Variants in HABP2 observed in about 807,000 individuals in gnomAD.
HABP2 encodes hyaluronan binding protein 2, also known as factor VII-activating protease.
In HABP2, 65 loss-of-function variants were observed where a neutral mutation model predicts 66.5. That is an observed-to-expected ratio of 0.98 (90% CI 0.80 to 1.20). The LOEUF (loss-of-function observed/expected upper bound fraction) is 1.20. Among genes scored for constraint, HABP2 ranks in the 50% most tolerant of loss-of-function variants. HABP2 has a pLI of 0.00. For missense variants in HABP2, 786 were observed against 691.0 expected (o/e 1.14, Z -1.54); for synonymous variants, 263 against 253.9 (o/e 1.04, Z -0.34).
intron 11 of HABP2, among the ~76,000 whole-genome samples, chr10:113,584,563 T>G (rs1349040400): frequency 6.6e-6 from 1 of 152,218 alleles, no homozygotes; most frequent in Non-Finnish European, 1.5e-5. Context: ...CTTGCTCCCT[T>G]CCTAGTTAGA....
At chr10:113,580,060 A>G (rs1383102095) in intron 7 of HABP2, among the ~76,000 whole-genome samples, 2 of 151,106 alleles carry the variant, frequency 1.3e-5, no homozygotes, top group African/African-American at 4.9e-5. Context: ...GATTACAGGC[A>G]TGAGCCACTG....
At position 113,583,199 on chromosome 10, in the gene HABP2, C is replaced by G; in HGVS notation, c.1095-17C>G. 5.0e-6 allele frequency: 8 copies of G among 1,612,722 alleles called. No homozygotes were observed. Among genetic ancestry groups the G allele is most frequent in the Non-Finnish European group, 6.8e-6 (8 of 1,179,340 alleles). ...GCAGAAACAGTGCCTTCCTGACCAT[C>G]TCATTTTCCCTTGCAGCATAAAAAC... On this transcript the variant is annotated splice_polypyrimidine_tract_variant and intron_variant, in intron 9 of 12. Transcript: ENST00000351270.
upstream of HABP2, among the ~76,000 whole-genome samples, chr10:113,551,211 T>G (rs958010755): frequency 6.6e-6 from 1 of 152,222 alleles, no homozygotes; most frequent in African/African-American, 2.4e-5. Flanking sequence ...AAGGATTCAA[T>G]GGTGATTGAA....
chr10:113,567,261 GAGA>G (rs1364310367), intron 1 of HABP2, among the ~76,000 whole-genome samples: 2 of 152,164 alleles, frequency 1.3e-5, no homozygotes, highest in African/African-American at 2.4e-5. Flanking sequence ...CCCTGCTGTG[GAGA>G]AGGACAATGC....
In HABP2 at chr10:113,578,784, A is replaced by T; in HGVS notation, c.726A>T (p.Glu242Asp). Residue 242 changes from glutamate (E) to aspartate (D), a missense_variant, in exon 7 of 13, where the codon GAA becomes GAT. Glu to Asp is a conservative substitution (Grantham distance 45). Transcript: ENST00000351270. ...ATGCTGAAACCCATGGGATTGGGGA[A>T]CACAATTTCTGCAGGTAACATTTAC... ...MEDAETHGIG[E>D]HNFCRNPDAD... 6.2e-7 allele frequency: 1 copy of T among 1,608,668 alleles called. No homozygotes were observed. Among genetic ancestry groups the T allele is most frequent in the Non-Finnish European group, 8.5e-7 (1 of 1,175,480 alleles).
chr10:113,588,528 A>C lies in HABP2; in HGVS notation c.*159A>C. 1 of 575,220 alleles carries C rather than the reference A, an allele frequency of 1.7e-6. No homozygotes were observed. Among genetic ancestry groups the C allele is most frequent in the South Asian group, 2.6e-5 (1 of 37,932 alleles). The allele number at this position is 575,220 out of a possible 1,614,324, so 35.6% of individuals were successfully genotyped here. A position where few individuals can be genotyped will look rare whatever the true frequency, so the allele number is the denominator to read the frequency against. ...ACTGCCACCCAGCCTGGGCCTTCCC[A>C]GACCAGCATTTGCACAATATCACCA... On this transcript the variant is annotated 3_prime_UTR_variant, in exon 13 of 13. Coordinates refer to ENST00000351270, the MANE Select transcript of HABP2 (RefSeq NM_004132.5).
In HABP2 at chr10:113,589,073, C is replaced by T; in HGVS notation, c.*704C>T. The stretch of plus-strand genomic sequence containing the variant: ...TGATCTCCAGCCTCCACTGCTTCTG[C>T]CCCCCGCTGCTGAAATCAAACATAC... On this transcript the variant is annotated 3_prime_UTR_variant, in exon 13 of 13. Coordinates refer to ENST00000351270, the MANE Select transcript of HABP2 (RefSeq NM_004132.5). The T allele has an allele frequency of 1.2e-6, 2 of 1,613,028 alleles. No individual in the cohort carries two copies. Among genetic ancestry groups the T allele is most frequent in the Non-Finnish European group, 1.7e-6 (2 of 1,179,354 alleles).
At chr10:113,559,796 C>T (rs1443529504) in intron 1 of HABP2, among the ~76,000 whole-genome samples, 1 of 152,250 alleles carries the variant, frequency 6.6e-6, no homozygotes, top group East Asian at 1.9e-4. Context: ...GCCACTGTCA[C>T]ACGAAGCTGC....
intron 1 of HABP2, among the ~76,000 whole-genome samples, chr10:113,554,512 TC>T (rs1021850848): frequency 6.6e-6 from 1 of 152,212 alleles, no homozygotes; most frequent in African/African-American, 2.4e-5. Flanking sequence ...GGTTTTCTTT[TC>T]AAATCATGAC....
Position 113,580,604 on chromosome 10 carries a change from T to C in HABP2, c.750T>C (p.Asp250=), listed in dbSNP as rs747603180. Residue 250 remains aspartate, a synonymous_variant, in exon 8 of 13, where the codon GAT becomes GAC. Coordinates refer to ENST00000351270, the MANE Select transcript of HABP2 (RefSeq NM_004132.5). The part of the protein sequence containing the change: ...IGEHNFCRNP[D]ADEKPWCFIK... ...TTGTTTTGTATTTTAGAAACCCAGA[T>C]GCGGACGAAAAGCCCTGGTGCTTTA... 3 of 1,562,924 alleles carry C rather than the reference T, an allele frequency of 1.9e-6. No homozygotes were observed. Among genetic ancestry groups the C allele is most frequent in the Non-Finnish European group, 2.6e-6 (3 of 1,133,372 alleles).
intron 11 of HABP2, 26 bp downstream of exon 11, chr10:113,584,308 G>A: frequency 6.2e-7 from 1 of 1,608,402 alleles, no homozygotes; most frequent in Non-Finnish European, 8.5e-7. Context: ...ACTCTCCCAT[G>A]ACTTAGGTGA....
rs1592695473 is a variant in HABP2, at chr10:113,577,128, T to A, written c.332-22T>A. ...AGGAAAATGTGCCCCAAATAATGTC[T>A]TATGTTATGGATCTCCTACAGTGCA... On this transcript the variant is annotated intron_variant, in intron 4 of 12. Coordinates refer to ENST00000351270, the MANE Select transcript of HABP2 (RefSeq NM_004132.5). 4 of 1,314,172 alleles carry A rather than the reference T, an allele frequency of 3.0e-6. No homozygotes were observed. In the South Asian group the frequency reaches 3.5e-5, roughly 12 times the overall value. The allele number at this position is 1,314,172 out of a possible 1,614,324, so 81.4% of individuals were successfully genotyped here. A position where few individuals can be genotyped will look rare whatever the true frequency, so the allele number is the denominator to read the frequency against.
Position 113,588,837 on chromosome 10 carries a change from A to G in HABP2, c.*468A>G, listed in dbSNP as rs944248691. The G allele has an allele frequency of 5.2e-5, 36 of 692,892 alleles. No homozygotes were observed. Among genetic ancestry groups the G allele is most frequent in the Non-Finnish European group, 7.7e-5 (30 of 387,966 alleles). The allele number at this position is 692,892 out of a possible 1,614,324, so 42.9% of individuals were successfully genotyped here. A position where few individuals can be genotyped will look rare whatever the true frequency, so the allele number is the denominator to read the frequency against. On this transcript the variant is annotated 3_prime_UTR_variant, in exon 13 of 13. Transcript: ENST00000351270. ...AATACAACATTCTCCATCTGCTTTC[A>G]GAGTTATTATTTTAATAAAGGAAGA...
intron 7 of HABP2, 67 bp downstream of exon 7, chr10:113,578,865 C>T: frequency 9.7e-7 from 1 of 1,032,778 alleles, no homozygotes; most frequent in Non-Finnish European, 1.5e-6. Context: ...CATTGAAATT[C>T]ATCAGCCTCC....
At chr10:113,575,833 T>C (rs1263934528) in intron 3 of HABP2, 64 bp from the exon 4 acceptor site, 2 of 871,662 alleles carry the variant, frequency 2.3e-6, no homozygotes, top group African/African-American at 3.3e-5. Flanking sequence ...GATGAAAAAT[T>C]TGGAGGGGGG....
At chr10:113,568,610 T>G (rs567260889) in intron 2 of HABP2, among the ~76,000 whole-genome samples, 1 of 152,322 alleles carries the variant, frequency 6.6e-6, no homozygotes, top group East Asian at 1.9e-4. Flanking sequence ...CATAGTTCAG[T>G]TCCTCTGAAG....
intron 1 of HABP2, among the ~76,000 whole-genome samples, chr10:113,564,848 C>A (rs1565098489): frequency 7.7e-6 from 1 of 130,654 alleles, no homozygotes; most frequent in African/African-American, 3.2e-5. Flanking sequence ...ACGCATCTCT[C>A]TCTTTTGTTT....
At chr10:113,571,429 C>T (rs369476093) in intron 2 of HABP2, among the ~76,000 whole-genome samples, 7 of 152,116 alleles carry the variant, frequency 4.6e-5, no homozygotes, top group Admixed American at 1.3e-4. Context: ...GATACAGAGT[C>T]GAGAGAGAAC....
At chr10:113,574,945 G>A (rs904322715) in intron 3 of HABP2, among the ~76,000 whole-genome samples, 1 of 151,994 alleles carries the variant, frequency 6.6e-6, no homozygotes, top group Non-Finnish European at 1.5e-5. Flanking sequence ...GTGTATGTGT[G>A]CATATGTGTG....
Sources: allele counts gnomAD v4.1 joint callset (sites outside exome capture counted in the v4.1 genomes callset), GRCh38; gene constraint gnomAD v4.1.1; transcripts MANE v1.5; gene names NCBI Gene and HGNC (gene_info 2026-07-23, HGNC 2026-07-21).